MALSU1: variants seen among roughly 807,000 people sequenced by gnomAD.
MALSU1 encodes the protein mitochondrial assembly of ribosomal large subunit protein 1.
MALSU1 carries 22 observed loss-of-function variants against 22.1 expected under a neutral mutation model. That is an observed-to-expected ratio of 1.00 (90% CI 0.71 to 1.42). MALSU1 has a LOEUF of 1.42. MALSU1 is among the 40% of genes most tolerant of loss of function. The pLI is 0.00. For synonymous variants in MALSU1, 153 were observed against 118.5 expected (o/e 1.29, Z -1.89); for missense variants, 379 against 308.3 (o/e 1.23, Z -1.72).
At position 23,299,346 on chromosome 7, in the gene MALSU1, T is replaced by G. The variant is rs778448910; in HGVS notation, c.-7T>G. The stretch of plus-strand genomic sequence containing the variant: ...CCCACCCGCGACGCCGACGCAAGGC[T>G]GCTGCTATGGGGCCGGGCGGCCGTG... On this transcript the variant is annotated 5_prime_UTR_variant, in exon 1 of 4. Coordinates refer to ENST00000466681, the MANE Select transcript of MALSU1 (RefSeq NM_138446.2). 6.4e-7 allele frequency: 1 copy of G among 1,557,764 alleles called. No individual in the cohort carries two copies. Among genetic ancestry groups the G allele is most frequent in the Non-Finnish European group, 8.6e-7 (1 of 1,157,816 alleles).
chr7:23,304,459 A>G (rs553507698), intron 2 of MALSU1, among the ~76,000 whole-genome samples: 2 of 152,206 alleles, frequency 1.3e-5, no homozygotes, highest in African/African-American at 4.8e-5. Flanking sequence ...TCTTTTGCTT[A>G]TTGGCCATTT....
At chr7:23,306,839 T>C (rs763160080) in intron 2 of MALSU1, among the ~76,000 whole-genome samples, 2 of 152,206 alleles carry the variant, frequency 1.3e-5, no homozygotes, top group Non-Finnish European at 2.9e-5. Context: ...TTTGCTAGTA[T>C]TTTTGTTGAG....
Position 23,300,904 on chromosome 7 carries a change from G to C in MALSU1, c.322G>C (p.Asp108His), listed in dbSNP as rs1226857292. Residue 108 changes from aspartate (D) to histidine (H), a missense_variant, in exon 2 of 4, where the codon GAC becomes CAC. Physicochemically the swap from Asp to His is moderately conservative, Grantham distance 81. Coordinates refer to ENST00000466681, the MANE Select transcript of MALSU1 (RefSeq NM_138446.2). ...VSLLRQENAR[D>H]ICVIQVPPEM... ...ACTTCTGAGGCAAGAAAATGCAAGAGACATTTGTGTGATCCAGGTTCCTCC... is the reference window on the plus strand; with the variant it reads ...ACTTCTGAGGCAAGAAAATGCAAGACACATTTGTGTGATCCAGGTTCCTCC... 1 of 1,613,914 alleles carries C rather than the reference G, an allele frequency of 6.2e-7. No individual in the cohort carries two copies. Among genetic ancestry groups the C allele is most frequent in the East Asian group, 2.2e-5 (1 of 44,880 alleles).
Position 23,299,575 on chromosome 7 carries a change from G to A in MALSU1, c.223G>A (p.Val75Ile). 6.2e-7 allele frequency: 1 copy of A among 1,602,608 alleles called. No individual in the cohort carries two copies. The highest frequency in any genetic ancestry group is 1.1e-5 in the South Asian group (1 of 89,358). ...GCTGGAGGAGCGGGCGGAGGGGACG[G>A]TCAACGAGGGACGCCCAGAATCGGA... ...PGLEERAEGTVNEGRPESDAA... is the reference protein window; with the variant it reads ...PGLEERAEGTINEGRPESDAA... The change falls in exon 1 of 4, where the codon GTC becomes ATC. Residue 75 changes from valine to isoleucine, a missense_variant. Transcript: ENST00000466681.
In MALSU1 at chr7:23,300,838, G is replaced by C. The variant is rs746649441; in HGVS notation, c.257-1G>C. 1.9e-6 allele frequency: 3 copies of C among 1,612,844 alleles called. No individual in the cohort carries two copies. Among genetic ancestry groups the C allele is most frequent in the Non-Finnish European group, 2.5e-6 (3 of 1,179,322 alleles). ...TACAAACAACTATTTGTGCATTTCAGATCATACTGGTCCCAAGTTTGACAT... is the reference window on the plus strand; with the variant it reads ...TACAAACAACTATTTGTGCATTTCACATCATACTGGTCCCAAGTTTGACAT... On this transcript the variant is annotated splice_acceptor_variant, in intron 1 of 3. Transcript: ENST00000466681. LOFTEE classifies it high-confidence loss of function.
At chr7:23,301,717 T>G (rs1429261734) in intron 2 of MALSU1, among the ~76,000 whole-genome samples, 1 of 152,162 alleles carries the variant, frequency 6.6e-6, no homozygotes, top group Non-Finnish European at 1.5e-5. Flanking sequence ...AAGCCTGTAA[T>G]CCCAGCACTT....
At chr7:23,302,507 A>G (rs1372503901) in intron 2 of MALSU1, among the ~76,000 whole-genome samples, 1 of 152,204 alleles carries the variant, frequency 6.6e-6, no homozygotes, top group Non-Finnish European at 1.5e-5. Flanking sequence ...GGGTAATTGG[A>G]GAGATAGGGA....
chr7:23,309,520 C>A lies in MALSU1; in HGVS notation c.682C>A (p.Pro228Thr). Residue 228 changes from proline to threonine, a missense_variant, in exon 4 of 4, where the codon CCA (proline) becomes ACA (threonine). By Grantham distance (38) the Pro-to-Thr change is conservative (BLOSUM62 -1). Coordinates refer to ENST00000466681, the MANE Select transcript of MALSU1 (RefSeq NM_138446.2). ...GIEDDTSSVT[P>T]VELKCE The stretch of plus-strand genomic sequence containing the variant: ...AGAAGATGATACTTCATCTGTGACT[C>A]CAGTGGAGTTAAAATGTGAATAAAA... The A allele has an allele frequency of 6.2e-7, 1 of 1,602,620 alleles. No individual in the cohort carries two copies. The highest frequency in any genetic ancestry group is 1.1e-5 in the South Asian group (1 of 88,836).
intron 2 of MALSU1, among the ~76,000 whole-genome samples, chr7:23,302,777 G>A (rs748149615): frequency 5.9e-5 from 9 of 152,096 alleles, no homozygotes; most frequent in South Asian, 2.1e-4. Context: ...AAAACCTACC[G>A]TTTAATCTTT....
In MALSU1 at chr7:23,307,879, G is replaced by C. The variant is rs761818119; in HGVS notation, c.447G>C (p.Leu149=). The C allele has an allele frequency of 1.2e-5, 20 of 1,613,720 alleles. No individual in the cohort carries two copies. Among genetic ancestry groups the C allele is most frequent in the Non-Finnish European group, 1.6e-5 (19 of 1,179,720 alleles). Residue 149 remains leucine, a synonymous_variant, in exon 3 of 4, where the codon CTG becomes CTC. Coordinates refer to ENST00000466681, the MANE Select transcript of MALSU1 (RefSeq NM_138446.2). ...CTGGCTTTTTGCAGTACAAACACCT[G>C]AAATGTAAACGTGACCCTCATGTTA... ...AFYVVKMYKH[L]KCKRDPHVKI... is the part of the protein sequence containing the mutation.
intron 2 of MALSU1, among the ~76,000 whole-genome samples, chr7:23,306,267 G>C (rs1367501303): frequency 6.6e-6 from 1 of 152,122 alleles, no homozygotes; most frequent in Non-Finnish European, 1.5e-5. Flanking sequence ...TTTGTTTCCA[G>C]GTTGCTCATT....
At position 23,299,516 on chromosome 7, in the gene MALSU1, C is replaced by G; in HGVS notation, c.164C>G (p.Pro55Arg). 1 of 1,612,854 alleles carries G rather than the reference C, an allele frequency of 6.2e-7. No homozygotes were observed. The highest frequency in any genetic ancestry group is 8.5e-7 in the Non-Finnish European group (1 of 1,179,878). The change falls in exon 1 of 4, where the codon CCA (proline) becomes CGA (arginine). Residue 55 changes from proline to arginine, a missense_variant. Physicochemically the swap from Pro to Arg is moderately radical, Grantham distance 103 (BLOSUM62 -2). Coordinates refer to ENST00000466681, the MANE Select transcript of MALSU1 (RefSeq NM_138446.2). ...GCGTTCTGCCGGGCTTGCCAGACCC[C>G]AAACTTTGTCCGCGGCCTGCACAGC... Reference protein sequence around the residue: ...GAAFCRACQTPNFVRGLHSEP... With the variant: ...GAAFCRACQTRNFVRGLHSEP...
At chr7:23,309,072 G>A (rs944427530) in intron 3 of MALSU1, among the ~76,000 whole-genome samples, 1 of 152,206 alleles carries the variant, frequency 6.6e-6, no homozygotes, top group African/African-American at 2.4e-5. Context: ...GTTACCCATG[G>A]AGAATTGTCA....
rs750094745 is a variant in MALSU1, at chr7:23,300,982, C to A, written c.400C>A (p.His134Asn). The change falls in exon 2 of 4, where the codon CAC (histidine) becomes AAC (asparagine). Residue 134 changes from histidine (H) to asparagine (N), a missense_variant. Physicochemically the swap from His to Asn is moderately conservative, Grantham distance 68. Transcript: ENST00000466681. Reference protein sequence around the residue: ...FVIVSGTSTRHLHAMAFYVVK... With the variant: ...FVIVSGTSTRNLHAMAFYVVK... ...GATTGTTAGTGGAACTTCTACCCGACACTTACATGCCATGGCCTTCTACGT... is the reference window on the plus strand; with the variant it reads ...GATTGTTAGTGGAACTTCTACCCGAAACTTACATGCCATGGCCTTCTACGT... The A allele has an allele frequency of 1.2e-6, 2 of 1,614,002 alleles. No homozygotes were observed. The highest frequency in any genetic ancestry group is 2.2e-5 in the South Asian group (2 of 91,070).
intron 3 of MALSU1, among the ~76,000 whole-genome samples, 180 bp from the exon 4 acceptor site, chr7:23,309,176 G>GA (rs1783768120): frequency 6.6e-6 from 1 of 152,224 alleles, no homozygotes; most frequent in Admixed American, 6.5e-5. Context: ...GGTACACTGA[G>GA]AAAGGCATAG....
In MALSU1 at chr7:23,309,634, C is replaced by T; in HGVS notation, c.*91C>T. 1.9e-6 allele frequency: 2 copies of T among 1,060,754 alleles called. No homozygotes were observed. Among genetic ancestry groups the T allele is most frequent in the African/African-American group, 1.6e-5 (1 of 62,172 alleles). The allele number at this position is 1,060,754 out of a possible 1,614,324, so 65.7% of individuals were successfully genotyped here. On this transcript the variant is annotated 3_prime_UTR_variant, in exon 4 of 4. Transcript: ENST00000466681. ...CCTAAAGTCCGTCTCCTTGGTTAGG[C>T]TGCTCTTAGGACAAGGCTTGTGTAC...
chr7:23,307,950 G>T lies in MALSU1; in HGVS notation c.517+1G>T, dbSNP rs745891677. The T allele has an allele frequency of 3.1e-6, 5 of 1,610,124 alleles. No homozygotes were observed. The Admixed American group carries it at 5.0e-5, about 16-fold the overall frequency. ...GATGACTGGCTGTGCGTGGATTTTG[G>T]TAAGTTATTCTGGCGTATTTTACAG... is the stretch of plus-strand genomic sequence containing the variant. On this transcript the variant is annotated splice_donor_variant, in intron 3 of 3. Transcript: ENST00000466681. LOFTEE classifies it high-confidence loss of function.
At chr7:23,303,813 G>A (rs369749566) in intron 2 of MALSU1, among the ~76,000 whole-genome samples, 5,439 of 108,398 alleles carry the variant, frequency 0.05, no homozygotes, top group Non-Finnish European at 0.057. Context: ...TGTCTCAAAA[G>A]AAAAAAAAAA....
chr7:23,309,365 T>G lies in MALSU1; in HGVS notation c.527T>G (p.Val176Gly), dbSNP rs747889110. 2 of 1,609,594 alleles carry G rather than the reference T, an allele frequency of 1.2e-6. No individual in the cohort carries two copies. Among genetic ancestry groups the G allele is most frequent in the Non-Finnish European group, 8.5e-7 (1 of 1,178,614 alleles). The change falls in exon 4 of 4, where the codon GTG becomes GGG. Residue 176 changes from valine (V) to glycine (G), a missense_variant. By Grantham distance (109) the Val-to-Gly change is moderately radical (BLOSUM62 -3). Coordinates refer to ENST00000466681, the MANE Select transcript of MALSU1 (RefSeq NM_138446.2). ...TATCTGTCCCTGACAGGCAGCATGG[T>G]GATTCATTTGATGCTTCCAGAAACC... ...DWLCVDFGSM[V>G]IHLMLPETRE...
Sources: gnomAD v4.1 joint callset for allele counts (sites outside exome capture counted in the v4.1 genomes callset) on GRCh38, gnomAD v4.1.1 for gene constraint, MANE v1.5 for transcripts, NCBI Gene and HGNC (gene_info 2026-07-23, HGNC 2026-07-21) for gene names.